The following SYT16 variants were observed in gnomAD, a reference collection of about 807,000 sequenced individuals.
The protein encoded by SYT16 is synaptotagmin 16, also known as synaptotagmin-16.
A neutral mutation model predicts 61.4 loss-of-function variants in SYT16; 42 were observed. The ratio of observed to expected loss-of-function variants is 0.68; its 90% CI spans 0.53 to 0.89. The LOEUF (loss-of-function observed/expected upper bound fraction) is 0.89, where lower values mean the gene tolerates loss of function less well. SYT16 is among the 40% of genes least tolerant of loss of function. The probability of loss-of-function intolerance (pLI) is 0.00; values close to 1 mark genes in which losing one functional copy is unlikely to be tolerated. For missense variants in SYT16, 804 were observed against 807.3 expected (o/e 1.00, Z 0.05); for synonymous variants, 314 against 302.3 (o/e 1.04, Z -0.40).
intron 1 of SYT16, among the ~76,000 whole-genome samples, chr14:61,938,135 C>T (rs778862387): frequency 6.6e-5 from 10 of 150,780 alleles, no homozygotes; most frequent in East Asian, 1.9e-4. Context: ...AATTAATTAC[C>T]GAAGGATAAA....
At chr14:61,879,928 G>A (rs1031257601) in intron 1 of SYT16, among the ~76,000 whole-genome samples, 1 of 152,062 alleles carries the variant, frequency 6.6e-6, no homozygotes, top group African/African-American at 2.4e-5. Context: ...CAGCTTTCTG[G>A]GCTCCTTTCC....
intron 4 of SYT16, among the ~76,000 whole-genome samples, chr14:62,071,291 A>G (rs1369698534): frequency 1.3e-5 from 2 of 152,228 alleles, no homozygotes; most frequent in African/African-American, 4.8e-5. Flanking sequence ...CAGCTTGTTT[A>G]ATCCTAAAGC....
At chr14:62,015,728 T>C (rs1176950129) in intron 3 of SYT16, among the ~76,000 whole-genome samples, 1 of 152,188 alleles carries the variant, frequency 6.6e-6, no homozygotes, top group East Asian at 1.9e-4. Context: ...GTGAGAAGAC[T>C]CTGTCTCAGA....
chr14:61,871,464 G>C (rs994235198), intron 1 of SYT16, among the ~76,000 whole-genome samples: 1 of 152,070 alleles, frequency 6.6e-6, no homozygotes, highest in African/African-American at 2.4e-5. Context: ...ATTCAACTCA[G>C]CAAGACTCTG....
At chr14:61,879,980 A>G (rs1468807319) in intron 1 of SYT16, among the ~76,000 whole-genome samples, 2 of 152,142 alleles carry the variant, frequency 1.3e-5, no homozygotes, top group Non-Finnish European at 2.9e-5. Flanking sequence ...AATTCACTGA[A>G]AAGATAAAAG....
At chr14:61,863,047 A>T (rs2047013426) in intron 1 of SYT16, among the ~76,000 whole-genome samples, 1 of 152,192 alleles carries the variant, frequency 6.6e-6, no homozygotes, top group South Asian at 2.1e-4. Context: ...GTTGCTTCCA[A>T]GTTTTGGCAA....
At chr14:61,844,703 T>C (rs1202162206) in intron 1 of SYT16, among the ~76,000 whole-genome samples, 4 of 152,228 alleles carry the variant, frequency 2.6e-5, no homozygotes, top group Non-Finnish European at 5.9e-5. Flanking sequence ...TTGCATATGT[T>C]GAACCATCCT....
At chr14:62,002,424 G>A (rs556633338) in intron 3 of SYT16, among the ~76,000 whole-genome samples, 1 of 144,690 alleles carries the variant, frequency 6.9e-6, no homozygotes, top group African/African-American at 2.6e-5. Flanking sequence ...ATGCATCAGA[G>A]AGTGTCTCTC....
intron 2 of SYT16, among the ~76,000 whole-genome samples, chr14:61,993,026 C>T (rs942857604): frequency 1.3e-5 from 2 of 151,350 alleles, no homozygotes; most frequent in African/African-American, 4.9e-5. Flanking sequence ...TGAATTTTTT[C>T]ATTTTCGTTT....
chr14:62,083,786 G>A (rs772058935), intron 6 of SYT16, among the ~76,000 whole-genome samples: 15 of 152,164 alleles, frequency 9.9e-5, no homozygotes, highest in Non-Finnish European at 2.1e-4. Flanking sequence ...TCAAGGAGCT[G>A]CAGAGAACAG....
At chr14:61,951,587 A>G (rs1039276569) in intron 1 of SYT16, among the ~76,000 whole-genome samples, 3 of 151,884 alleles carry the variant, frequency 2.0e-5, no homozygotes, top group Non-Finnish European at 4.4e-5. Flanking sequence ...TTCTTCCAAG[A>G]TTTTTTTTAT....
chr14:61,982,280 C>T lies in SYT16; in HGVS notation c.-145+11969C>T, dbSNP rs1199872810. 4.6e-5 allele frequency among the ~76,000 whole-genome samples: 7 copies of T among 151,928 alleles called. No homozygotes were observed. The South Asian group carries it at 8.3e-4, about 18-fold the overall frequency. ...GTCTTGCAGCATGGGTGTATTAGTCCGTTTTCACACTGTTGATAAAGATAT... is the reference window on the plus strand; with the variant it reads ...GTCTTGCAGCATGGGTGTATTAGTCTGTTTTCACACTGTTGATAAAGATAT... On this transcript the variant is annotated intron_variant, in intron 2 of 7. Coordinates refer to ENST00000683842, the MANE Select transcript of SYT16 (RefSeq NM_001367656.1).
intron 1 of SYT16, among the ~76,000 whole-genome samples, chr14:61,861,934 T>G (rs1028114019): frequency 3.9e-5 from 6 of 152,176 alleles, no homozygotes; most frequent in Non-Finnish European, 7.3e-5. Context: ...AAAAAAATAC[T>G]GGCACAGAGT....
chr14:61,938,026 A>AAC lies in SYT16; in HGVS notation c.-324-32074_-324-32073dup, dbSNP rs3071213. 8.5e-3 allele frequency among the ~76,000 whole-genome samples: 1,159 copies of AAC among 135,724 alleles called. 20 individuals are homozygous for AAC. The highest frequency in any genetic ancestry group is 0.025 in the African/African-American group (880 of 35,814). 89.0% of individuals were successfully genotyped at this position (135,724 alleles called of 152,430 possible). On this transcript the variant is annotated intron_variant, in intron 1 of 7. Transcript: ENST00000683842. ...CTGTTGCCCCAACCTCCTACCCCGCAACACACACACACACACACACACACA... is the reference window on the plus strand; with the variant it reads ...CTGTTGCCCCAACCTCCTACCCCGCAACACACACACACACACACACACACACA...
intron 1 of SYT16, among the ~76,000 whole-genome samples, chr14:61,894,023 C>G (rs2048233314): frequency 6.6e-6 from 1 of 152,204 alleles, no homozygotes; most frequent in Non-Finnish European, 1.5e-5. Context: ...GTGGCTCATG[C>G]CTGTAATCCC....
At chr14:62,064,917 A>G (rs1052284005) in intron 3 of SYT16, among the ~76,000 whole-genome samples, 22 of 152,164 alleles carry the variant, frequency 1.4e-4, no homozygotes, top group African/African-American at 5.1e-4. Flanking sequence ...ATTGACTTCT[A>G]TTGCTGCTCA....
intron 1 of SYT16, among the ~76,000 whole-genome samples, chr14:61,858,794 C>T (rs1380368864): frequency 6.6e-6 from 1 of 152,042 alleles, no homozygotes; most frequent in Non-Finnish European, 1.5e-5. Flanking sequence ...TTATGGGAGT[C>T]CTCGGTAAGG....
intron 4 of SYT16, among the ~76,000 whole-genome samples, chr14:62,071,355 G>T (rs2056292860): frequency 6.6e-6 from 1 of 152,286 alleles, no homozygotes; most frequent in South Asian, 2.1e-4. Flanking sequence ...TTACACAAAT[G>T]GCTGATGTTC....
chr14:62,019,920 A>C (rs2053848235), intron 3 of SYT16, among the ~76,000 whole-genome samples: 1 of 152,250 alleles, frequency 6.6e-6, no homozygotes. Flanking sequence ...AAACACTAGT[A>C]ATGCTGCCAG....
Sources: allele counts gnomAD v4.1 joint callset (sites outside exome capture counted in the v4.1 genomes callset), GRCh38; gene constraint gnomAD v4.1.1; transcripts MANE v1.5; gene names NCBI Gene and HGNC (gene_info 2026-07-23, HGNC 2026-07-21).